Variants in MECOM observed in about 807,000 individuals in gnomAD.
MECOM encodes histone-lysine N-methyltransferase MECOM.
Under a neutral mutation model 116.3 loss-of-function variants are expected in MECOM, and 13 were observed. The observed-to-expected ratio is 0.11, with a 90% CI of 0.07 to 0.18. The LOEUF (loss-of-function observed/expected upper bound fraction) is 0.18. MECOM is among the 10% of genes least tolerant of loss of function. The pLI, the probability that MECOM is intolerant of heterozygous loss-of-function variation, is 1.00. For missense variants in MECOM, 1,299 were observed against 1,509.0 expected (o/e 0.86, Z 2.31); for synonymous variants, 528 against 535.2 (o/e 0.99, Z 0.19).
At chr3:169,319,355 G>A (rs12106951) in intron 2 of MECOM, among the ~76,000 whole-genome samples, 8,505 of 151,760 alleles carry the variant, frequency 0.056, 620 homozygotes, top group East Asian at 0.17. Flanking sequence ...GTTCTCACTC[G>A]TAAGAGGGAG....
chr3:169,519,768 A>G (rs1757130523), intron 1 of MECOM, among the ~76,000 whole-genome samples: 1 of 152,250 alleles, frequency 6.6e-6, no homozygotes, highest in Admixed American at 6.5e-5. Context: ...GCTCACTAAA[A>G]CAAATGCTCT....
intron 1 of MECOM, among the ~76,000 whole-genome samples, chr3:169,387,644 G>A (rs746648317): frequency 6.6e-6 from 1 of 152,160 alleles, no homozygotes; most frequent in Admixed American, 6.5e-5. Context: ...AAGTAAGACT[G>A]ATTTCTGTAG....
chr3:169,589,344 A>T (rs1035757845), intron 1 of MECOM, among the ~76,000 whole-genome samples: 2 of 152,054 alleles, frequency 1.3e-5, no homozygotes, highest in Non-Finnish European at 2.9e-5. Flanking sequence ...CACTATTCTT[A>T]TCTCTAAGAA....
At chr3:169,652,375 G>A (rs1227736878) in intron 1 of MECOM, among the ~76,000 whole-genome samples, 1 of 152,116 alleles carries the variant, frequency 6.6e-6, no homozygotes, top group Non-Finnish European at 1.5e-5. Context: ...TCTATGCTAA[G>A]CATAAAAGCT....
At chr3:169,462,866 A>G (rs1220009789) in intron 1 of MECOM, among the ~76,000 whole-genome samples, 1 of 152,208 alleles carries the variant, frequency 6.6e-6, no homozygotes, top group Non-Finnish European at 1.5e-5. Flanking sequence ...CTTGTGTCTA[A>G]ATTATTTGTT....
chr3:169,367,303 G>A (rs1429143246), intron 2 of MECOM, among the ~76,000 whole-genome samples: 8 of 151,902 alleles, frequency 5.3e-5, no homozygotes, highest in African/African-American at 1.9e-4. Context: ...CATTAGTCAT[G>A]GAATTCCCCT....
rs568892275 is a variant in MECOM at position 169,539,965 on chromosome 3, T to C, written c.37+123371A>G. ...CTCTGAAACTGCCTTCCTATTTTCCTCTGGTGGAGCTCTTTTTGCTTCATG... is the reference window on the plus strand; with the variant it reads ...CTCTGAAACTGCCTTCCTATTTTCCCCTGGTGGAGCTCTTTTTGCTTCATG... On this transcript the variant is annotated intron_variant, in intron 1 of 16. Coordinates refer to ENST00000651503, the MANE Select transcript of MECOM (RefSeq NM_004991.4). Among the ~76,000 whole-genome samples, 13 of 152,324 alleles carry C rather than the reference T, an allele frequency of 8.5e-5. No homozygotes were observed. In the East Asian group the frequency reaches 2.5e-3, roughly 29 times the overall value.
intron 1 of MECOM, among the ~76,000 whole-genome samples, chr3:169,581,606 C>T (rs995254689): frequency 1.3e-5 from 2 of 152,122 alleles, no homozygotes; most frequent in African/African-American, 2.4e-5. Context: ...GAGGTCCAGC[C>T]GGGTAAGAAC....
chr3:169,086,656 T>C (rs570260473), intron 16 of MECOM: 1 of 679,540 alleles, frequency 1.5e-6, no homozygotes, highest in African/African-American at 1.8e-5. Context: ...TTTAGCTCAG[T>C]GTGCCTGACT....
intron 2 of MECOM, among the ~76,000 whole-genome samples, chr3:169,375,691 T>A: frequency 6.6e-6 from 1 of 151,848 alleles, no homozygotes; most frequent in Non-Finnish European, 1.5e-5. Flanking sequence ...TAATTAATAG[T>A]CTACCAACCA....
chr3:169,466,387 T>C (rs1483622446), intron 1 of MECOM, among the ~76,000 whole-genome samples: 2 of 152,228 alleles, frequency 1.3e-5, no homozygotes, highest in African/African-American at 2.4e-5. Flanking sequence ...CATTTCTATC[T>C]GAGTGCCAAC....
intron 2 of MECOM, among the ~76,000 whole-genome samples, chr3:169,367,318 T>A (rs1204118226): frequency 6.6e-6 from 1 of 151,038 alleles, no homozygotes. Context: ...TCCCCTGTGA[T>A]GTTTCTAGAA....
intron 1 of MECOM, among the ~76,000 whole-genome samples, chr3:169,662,535 G>T (rs1474467349): frequency 6.6e-6 from 1 of 151,978 alleles, no homozygotes; most frequent in Non-Finnish European, 1.5e-5. Context: ...CCACCTGCGC[G>T]TGGCTGTGCG....
At chr3:169,126,112 G>A (rs1428019521) in intron 5 of MECOM, among the ~76,000 whole-genome samples, 2 of 152,070 alleles carry the variant, frequency 1.3e-5, no homozygotes, top group Non-Finnish European at 2.9e-5. Context: ...TTCATGCAAT[G>A]ACAGATAATT....
At chr3:169,519,791 G>T (rs1757134425) in intron 1 of MECOM, among the ~76,000 whole-genome samples, 1 of 152,224 alleles carries the variant, frequency 6.6e-6, no homozygotes, top group Non-Finnish European at 1.5e-5. Context: ...ATTTTTGACT[G>T]CTCAGCATCC....
At chr3:169,497,309 C>A (rs1331549358) in intron 1 of MECOM, among the ~76,000 whole-genome samples, 1 of 151,992 alleles carries the variant, frequency 6.6e-6, no homozygotes, top group Non-Finnish European at 1.5e-5. Context: ...AGCCCACTAA[C>A]TAGCTCTCTA....
chr3:169,627,050 G>A (rs1012813212), intron 1 of MECOM, among the ~76,000 whole-genome samples: 1 of 152,078 alleles, frequency 6.6e-6, no homozygotes, highest in African/African-American at 2.4e-5. Flanking sequence ...CCTTAAAGAA[G>A]GATCAATCAA....
chr3:169,586,049 A>C (rs1765736510), intron 1 of MECOM, among the ~76,000 whole-genome samples: 1 of 152,248 alleles, frequency 6.6e-6, no homozygotes, highest in Admixed American at 6.5e-5. Context: ...AAAACATTTA[A>C]GATCAACAGT....
chr3:169,443,650 T>C (rs1016399722), intron 1 of MECOM, among the ~76,000 whole-genome samples: 1 of 152,208 alleles, frequency 6.6e-6, no homozygotes, highest in African/African-American at 2.4e-5. Flanking sequence ...TCCCATGGCA[T>C]TTATTTTATT....
Sources: gnomAD v4.1 joint callset for allele counts (sites outside exome capture counted in the v4.1 genomes callset) on GRCh38, gnomAD v4.1.1 for gene constraint, MANE v1.5 for transcripts, NCBI Gene and HGNC (gene_info 2026-07-23, HGNC 2026-07-21) for gene names.